The following LRP2 variants were observed in gnomAD, a reference collection of about 807,000 sequenced individuals.
The protein encoded by LRP2 is LDL receptor related protein 2, also known as low-density lipoprotein receptor-related protein 2.
A neutral mutation model predicts 531.0 loss-of-function variants in LRP2; 172 were observed. The observed-to-expected ratio is 0.32, with a 90% CI of 0.29 to 0.37. The LOEUF is 0.37. Ranked by LOEUF, LRP2 falls within the 10% of genes least tolerant of loss-of-function variation. The pLI, the probability that LRP2 is intolerant of heterozygous loss-of-function variation, is 1.00. For missense variants in LRP2, 5,167 were observed against 5,868.3 expected, an observed-to-expected ratio of 0.88 and a Z score of 3.90; for synonymous variants, 1,992 against 2,027.6, an observed-to-expected ratio of 0.98 and a Z score of 0.47.
At chr2:169,219,344 T>TA (rs547889691) in intron 34 of LRP2, among the ~76,000 whole-genome samples, 181 of 150,202 alleles carry the variant, frequency 1.2e-3, no homozygotes, top group African/African-American at 2.7e-3. Flanking sequence ...ACAATCTCTT[T>TA]AAAAAAAAAA....
At chr2:169,239,433 C>T (rs189229745) in intron 26 of LRP2, 94 bp downstream of exon 26, 81 of 1,605,372 alleles carry the variant, frequency 5.0e-5, no homozygotes, top group Non-Finnish European at 6.0e-5. Context: ...GTCGATCTAA[C>T]TCCTAATCAA....
intron 11 of LRP2, among the ~76,000 whole-genome samples, chr2:169,279,876 C>T: frequency 6.6e-6 from 1 of 152,118 alleles, no homozygotes; most frequent in Non-Finnish European, 1.5e-5. Flanking sequence ...AAACCCATCA[C>T]ACTTTCCAAA....
chr2:169,225,640 T>C (rs1689176924), intron 32 of LRP2, among the ~76,000 whole-genome samples, 187 bp from the exon 33 acceptor site: 1 of 152,214 alleles, frequency 6.6e-6, no homozygotes, highest in Non-Finnish European at 1.5e-5. Context: ...GTCACAGGAA[T>C]ACACAAGGCT....
chr2:169,164,350 A>G (rs929034337), intron 62 of LRP2, among the ~76,000 whole-genome samples: 1 of 152,246 alleles, frequency 6.6e-6, no homozygotes, highest in African/African-American at 2.4e-5. Context: ...CAGTTTCGGA[A>G]TGGACTATGA....
At chr2:169,351,820 A>T (rs568269150) in intron 1 of LRP2, among the ~76,000 whole-genome samples, 1 of 152,342 alleles carries the variant, frequency 6.6e-6, no homozygotes, top group Admixed American at 6.5e-5. Flanking sequence ...TTTAACCAGG[A>T]TCAGGGCCTT....
chr2:169,280,297 C>T (rs1683665866), intron 11 of LRP2, 53 bp downstream of exon 11: 1 of 1,598,578 alleles, frequency 6.3e-7, no homozygotes, highest in Admixed American at 1.7e-5. Context: ...AAGTGAAAAG[C>T]TATCAACACT....
intron 29 of LRP2, among the ~76,000 whole-genome samples, chr2:169,234,591 G>A (rs116337926): frequency 0.013 from 2,020 of 152,278 alleles, 31 homozygotes; most frequent in Admixed American, 0.03. Flanking sequence ...ACATATGAGT[G>A]CATGTGTCTT....
intron 37 of LRP2, 63 bp downstream of exon 37, chr2:169,211,905 C>A (rs1688607132): frequency 1.9e-6 from 3 of 1,606,350 alleles, no homozygotes; most frequent in African/African-American, 2.7e-5. Flanking sequence ...GTTTTCATGG[C>A]ACCAGGGATT....
intron 16 of LRP2, among the ~76,000 whole-genome samples, chr2:169,260,400 T>A (rs1392614100): frequency 3.3e-5 from 5 of 151,928 alleles, no homozygotes; most frequent in Non-Finnish European, 5.9e-5. Flanking sequence ...GAGTTAATGA[T>A]AGAGGCTAAA....
At chr2:169,138,928 GAA>G (rs1016557217) in intron 74 of LRP2, among the ~76,000 whole-genome samples, 3 of 152,090 alleles carry the variant, frequency 2.0e-5, no homozygotes, top group Non-Finnish European at 2.9e-5. Flanking sequence ...AGATCTAAAA[GAA>G]AAAGAGTCCA....
chr2:169,336,320 T>TGGAGGTCA, intron 1 of LRP2, among the ~76,000 whole-genome samples: 1 of 152,134 alleles, frequency 6.6e-6, no homozygotes, highest in Non-Finnish European at 1.5e-5. Flanking sequence ...GTTGGATCAC[T>TGGAGGTCA]GGAGGTCAGG....
At position 169,185,864 on chromosome 2, in the gene LRP2, C is replaced by T; in HGVS notation, c.9484G>A (p.Val3162Ile). 6.2e-7 allele frequency: 1 copy of T among 1,614,018 alleles called. No homozygotes were observed. Among genetic ancestry groups the T allele is most frequent in the Non-Finnish European group, 8.5e-7 (1 of 1,179,986 alleles). The stretch of plus-strand genomic sequence containing the variant: ...ACATTCTCACACTTCTGGCTACAGA[C>T]AAAAGGCATCTCTGTGCATTCATCA... ...DIDECTEMPF[V>I]CSQKCENVIG... The change falls in exon 50 of 79, where the codon GTC (valine) becomes ATC (isoleucine). Residue 3162 changes from valine (V) to isoleucine (I), a missense_variant. By Grantham distance (29) the Val-to-Ile change is conservative. Transcript: ENST00000649046.
chr2:169,176,117 T>C (rs1176177113), intron 54 of LRP2, among the ~76,000 whole-genome samples: 1 of 152,242 alleles, frequency 6.6e-6, no homozygotes, highest in Non-Finnish European at 1.5e-5. Flanking sequence ...AGTATGTACT[T>C]ATATACACTC....
At chr2:169,173,827 A>G (rs1272019620) in intron 56 of LRP2, 92 bp downstream of exon 56, 3 of 1,573,138 alleles carry the variant, frequency 1.9e-6, no homozygotes, top group Non-Finnish European at 2.6e-6. Context: ...ATCAGCTGAA[A>G]AAGAAAGCTC....
At chr2:169,322,415 C>T (rs1428359619) in intron 1 of LRP2, among the ~76,000 whole-genome samples, 1 of 152,144 alleles carries the variant, frequency 6.6e-6, no homozygotes, top group Non-Finnish European at 1.5e-5. Context: ...TACAGGAGTA[C>T]GTACACCCAA....
chr2:169,304,487 T>C (rs1008395542), intron 4 of LRP2, among the ~76,000 whole-genome samples: 1 of 152,226 alleles, frequency 6.6e-6, no homozygotes, highest in African/African-American at 2.4e-5. Flanking sequence ...CTCTGAAATT[T>C]ATAAAATGCT....
chr2:169,328,986 A>G (rs143417473), intron 1 of LRP2, among the ~76,000 whole-genome samples: 1 of 152,354 alleles, frequency 6.6e-6, no homozygotes, highest in East Asian at 1.9e-4. Flanking sequence ...GCTTGAACAA[A>G]TCTCACAGCT....
At chr2:169,130,440 A>G (rs893102256) in intron 77 of LRP2, among the ~76,000 whole-genome samples, 33 of 152,084 alleles carry the variant, frequency 2.2e-4, no homozygotes, top group African/African-American at 8.0e-4. Context: ...GGCATATGCC[A>G]CCACACTCAG....
At chr2:169,139,744 G>T in intron 72 of LRP2, 134 bp from the exon 73 acceptor site, 1 of 807,638 alleles carries the variant, frequency 1.2e-6, no homozygotes, top group Non-Finnish European at 2.2e-6. Flanking sequence ...TATCCTGCAT[G>T]ACTTTTGTTC....
Sources: allele counts gnomAD v4.1 joint callset (sites outside exome capture counted in the v4.1 genomes callset), GRCh38; gene constraint gnomAD v4.1.1; transcripts MANE v1.5; gene names NCBI Gene and HGNC (gene_info 2026-07-23, HGNC 2026-07-21).